Variants in DTNB observed in about 807,000 individuals in gnomAD.
DTNB encodes the protein DTN-B.
DTNB carries 63 observed loss-of-function variants against 90.7 expected under a neutral mutation model. The observed-to-expected ratio is 0.69, with a 90% CI of 0.57 to 0.86. DTNB has a LOEUF of 0.86. DTNB is among the 40% of genes least tolerant of loss of function. The pLI is 0.00. For synonymous variants in DTNB, 277 were observed against 286.7 expected (o/e 0.97, Z 0.34); for missense variants, 744 against 807.1 (o/e 0.92, Z 0.95).
In DTNB at chr2:25,482,807, A is replaced by C. The variant is rs778529061; in HGVS notation, c.1068T>G (p.Thr356=). Residue 356 remains threonine (T), a synonymous_variant, in exon 10 of 21, where the codon ACT becomes ACG. Coordinates refer to ENST00000406818, the MANE Select transcript of DTNB (RefSeq NM_021907.5). ...CAAGACATACGTACCTCTTGGTGGG[A>C]GTGGGCACTCCAGAGGACATGTGGC... The part of the protein sequence containing the change: ...MVSHMSSGVP[T]PTKRLQYSQD... 6.2e-7 allele frequency: 1 copy of C among 1,613,056 alleles called. No homozygotes were observed.
At chr2:25,409,753 G>A (rs186404351) in intron 16 of DTNB, among the ~76,000 whole-genome samples, 8 of 152,222 alleles carry the variant, frequency 5.3e-5, no homozygotes, top group Non-Finnish European at 8.8e-5. Context: ...TCCTTCTCCT[G>A]CCTCCTTTTT....
intron 5 of DTNB, among the ~76,000 whole-genome samples, chr2:25,598,499 C>T (rs1257239410): frequency 6.6e-6 from 1 of 152,188 alleles, no homozygotes; most frequent in Non-Finnish European, 1.5e-5. Context: ...ACTATTACAG[C>T]TTAGAAAGGT....
chr2:25,385,347 G>T (rs947765032), intron 18 of DTNB, among the ~76,000 whole-genome samples: 2 of 152,212 alleles, frequency 1.3e-5, no homozygotes, highest in East Asian at 3.8e-4. Flanking sequence ...CTGTCAAGGA[G>T]ACAGTAAAAA....
At position 25,627,376 on chromosome 2, in the gene DTNB, TGCACTCCA is replaced by T. The variant is rs2074442589; in HGVS notation, c.362+787_362+794del. ...GTGGTGAGCCGAGCTTGCACACCAT[TGCACTCCA>T]GCCTGGGCAACAAGAGAGAAACTCC... On this transcript the variant is annotated intron_variant, in intron 4 of 20. Transcript: ENST00000406818. Among the ~76,000 whole-genome samples the T allele has an allele frequency of 3.3e-5, 5 of 150,806 alleles. No individual in the cohort carries two copies. The South Asian group carries it at 1.0e-3, about 32-fold the overall frequency.
intron 8 of DTNB, among the ~76,000 whole-genome samples, chr2:25,545,071 T>C (rs574322487): frequency 2.6e-5 from 4 of 152,360 alleles, no homozygotes; most frequent in Admixed American, 2.6e-4. Context: ...CTTTTATCTG[T>C]GTTCAGCACT....
At chr2:25,409,990 C>A (rs75601645) in intron 16 of DTNB, among the ~76,000 whole-genome samples, 5 of 152,336 alleles carry the variant, frequency 3.3e-5, no homozygotes, top group Non-Finnish European at 7.3e-5. Flanking sequence ...CAGATCATGT[C>A]TCTATTTTCA....
intron 6 of DTNB, among the ~76,000 whole-genome samples, chr2:25,589,699 A>C (rs1026006359): frequency 1.3e-5 from 2 of 152,116 alleles, no homozygotes; most frequent in African/African-American, 4.8e-5. Context: ...AAAGATAGGC[A>C]TCAAATTAAA....
chr2:25,449,166 T>C (rs568434347), intron 12 of DTNB, among the ~76,000 whole-genome samples: 27 of 152,232 alleles, frequency 1.8e-4, no homozygotes, highest in Non-Finnish European at 2.1e-4. Context: ...TGTCGTTGCA[T>C]GTATCAATGT....
chr2:25,421,077 A>C (rs755324359), intron 15 of DTNB: 2 of 152,212 alleles, frequency 1.3e-5, no homozygotes, highest in Non-Finnish European at 2.9e-5. Context: ...AAATTGGAAC[A>C]ATTCATGCAG....
At position 25,419,457 on chromosome 2, in the gene DTNB, G is replaced by C. The variant is rs1335499537; in HGVS notation, c.1575+58C>G. On this transcript the variant is annotated intron_variant, in intron 16 of 20. Coordinates refer to ENST00000406818, the MANE Select transcript of DTNB (RefSeq NM_021907.5). ...AGAAGAGGAGAAACATTTATATGAG[G>C]AAAGGAAGAACGTGCAAAGGAGCGA... The C allele has an allele frequency of 2.6e-6, 4 of 1,552,932 alleles. No homozygotes were observed. In the South Asian group the frequency reaches 4.8e-5, roughly 18 times the overall value.
chr2:25,509,461 G>A (rs933304456), intron 9 of DTNB, among the ~76,000 whole-genome samples: 2 of 152,106 alleles, frequency 1.3e-5, no homozygotes, highest in Non-Finnish European at 2.9e-5. Context: ...GGTTCCTTTA[G>A]TAGTGAGCAT....
Position 25,531,496 on chromosome 2 carries a change from T to C in DTNB, c.978A>G (p.Lys326=). 1 of 1,613,868 alleles carries C rather than the reference T, an allele frequency of 6.2e-7. No homozygotes were observed. The highest frequency in any genetic ancestry group is 8.5e-7 in the Non-Finnish European group (1 of 1,179,866). The change falls in exon 9 of 21, where the codon AAA becomes AAG. Residue 326 remains lysine, a synonymous_variant. Coordinates refer to ENST00000406818, the MANE Select transcript of DTNB (RefSeq NM_021907.5). ...ACACTATATGTGCAAGGTCAAGTGG[T>C]TTCTCTGGTTGCTCAGGAAAAACAG... is the stretch of plus-strand genomic sequence containing the variant. ...PHPVFPEQPE[K]PLDLAHIVPP...
intron 8 of DTNB, among the ~76,000 whole-genome samples, chr2:25,552,478 T>C (rs2056469812): frequency 6.6e-6 from 1 of 152,198 alleles, no homozygotes; most frequent in Admixed American, 6.5e-5. Context: ...AGCATTGCCC[T>C]GTCACTGGCC....
intron 9 of DTNB, among the ~76,000 whole-genome samples, chr2:25,504,855 G>A (rs371376651): frequency 5.3e-5 from 8 of 152,096 alleles, no homozygotes; most frequent in African/African-American, 1.9e-4. Flanking sequence ...AAAACTTGAT[G>A]AGCTGACTCT....
chr2:25,553,502 C>T lies in DTNB; in HGVS notation c.877-21905G>A, dbSNP rs184225900. Among the ~76,000 whole-genome samples, 84 of 152,048 alleles carry T rather than the reference C, an allele frequency of 5.5e-4. 1 individual carries two copies. In the East Asian group the frequency reaches 0.014, roughly 25 times the overall value. Reference sequence around the variant, plus strand: ...CTTGTAATCCTAGCACTTAGGGAGGCTGAGGCAGGTAGATCACCTGAGGTC... The same window carrying T: ...CTTGTAATCCTAGCACTTAGGGAGGTTGAGGCAGGTAGATCACCTGAGGTC... On this transcript the variant is annotated intron_variant, in intron 8 of 20. Coordinates refer to ENST00000406818, the MANE Select transcript of DTNB (RefSeq NM_021907.5).
At chr2:25,567,318 C>G (rs1042133729) in intron 8 of DTNB, among the ~76,000 whole-genome samples, 1 of 152,116 alleles carries the variant, frequency 6.6e-6, no homozygotes, top group African/African-American at 2.4e-5. Context: ...AGAGGGACAC[C>G]AGTCACATGG....
chr2:25,645,279 A>T (rs2079168380), intron 2 of DTNB, among the ~76,000 whole-genome samples: 1 of 150,598 alleles, frequency 6.6e-6, no homozygotes, highest in Admixed American at 6.6e-5. Context: ...GCTACTTGAG[A>T]GGGTGAGGCA....
intron 9 of DTNB, among the ~76,000 whole-genome samples, chr2:25,524,385 A>G (rs1465710982): frequency 1.3e-5 from 2 of 151,582 alleles, no homozygotes; most frequent in East Asian, 3.9e-4. Context: ...TAAATCTGAA[A>G]GAGAATCTAC....
At chr2:25,434,654 A>G (rs1228725959) in intron 12 of DTNB, among the ~76,000 whole-genome samples, 1 of 152,064 alleles carries the variant, frequency 6.6e-6, no homozygotes, top group East Asian at 1.9e-4. Flanking sequence ...GGTTATTACA[A>G]ATGAAGATGC....
Sources: allele counts gnomAD v4.1 joint callset (sites outside exome capture counted in the v4.1 genomes callset), GRCh38; gene constraint gnomAD v4.1.1; transcripts MANE v1.5; gene names NCBI Gene and HGNC (gene_info 2026-07-23, HGNC 2026-07-21).